Variants in BRD10 observed in about 807,000 individuals in gnomAD.
BRD10 encodes the protein uncharacterized bromodomain-containing protein 10.
At chr9:5,908,930 T>G in the BRD10 span, 1 of 540,054 alleles carries the variant, frequency 1.9e-6, no homozygotes, top group Non-Finnish European at 3.3e-6. Context: ...CAATAAATGT[T>G]GCAATGCATG....
At chr9:5,914,683 A>G in the BRD10 span, among the ~76,000 whole-genome samples, 1 of 151,992 alleles carries the variant, frequency 6.6e-6, no homozygotes, top group African/African-American at 2.4e-5. Flanking sequence ...TCGGCCTCCC[A>G]AAGTGCTGGG....
At chr9:5,910,824 G>A in the BRD10 span, 1 of 152,202 alleles carries the variant, frequency 6.6e-6, no homozygotes, top group Non-Finnish European at 1.5e-5. Context: ...TGACTCCTTG[G>A]ATTGGAAACC....
At chr9:5,920,575 T>G in the BRD10 span, 1 of 1,613,962 alleles carries the variant, frequency 6.2e-7, no homozygotes, top group Non-Finnish European at 8.5e-7. Flanking sequence ...ACAATTCAGT[T>G]TGAGGTTTAT....
chr9:5,952,026 T>TTATTTATTC, the BRD10 span, among the ~76,000 whole-genome samples: 1 of 149,386 alleles, frequency 6.7e-6, no homozygotes. Flanking sequence ...TTTATTTATT[T>TTATTTATTC]ATTTATTTAT....
the BRD10 span, chr9:5,944,899 T>C: frequency 6.5e-7 from 1 of 1,544,118 alleles, no homozygotes; most frequent in Non-Finnish European, 8.8e-7. Flanking sequence ...TTCCAGATCT[T>C]TGAGTTCATT....
At chr9:5,988,840 T>A in the BRD10 span, among the ~76,000 whole-genome samples, 2 of 152,312 alleles carry the variant, frequency 1.3e-5, no homozygotes, top group East Asian at 3.9e-4. Flanking sequence ...TTGTTTGCAA[T>A]GTATTTCATA....
At chr9:5,994,860 T>G in the BRD10 span, among the ~76,000 whole-genome samples, 1 of 152,090 alleles carries the variant, frequency 6.6e-6, no homozygotes, top group Non-Finnish European at 1.5e-5. Flanking sequence ...CAACTCCCTC[T>G]TTCATTCTCC....
the BRD10 span, among the ~76,000 whole-genome samples, chr9:5,935,934 G>A: frequency 6.6e-6 from 1 of 152,218 alleles, no homozygotes; most frequent in Admixed American, 6.5e-5. Context: ...AAGTCTTTCA[G>A]ATTTTCTGAC....
the BRD10 span, among the ~76,000 whole-genome samples, chr9:5,913,337 A>G: frequency 6.6e-6 from 1 of 152,208 alleles, no homozygotes; most frequent in Admixed American, 6.5e-5. Context: ...GGGAGTCTCT[A>G]AACTTTCATT....
chr9:5,892,619 A>G, the BRD10 span: 2 of 1,300,826 alleles, frequency 1.5e-6, no homozygotes, highest in East Asian at 2.4e-5. Flanking sequence ...GCTGACTTCC[A>G]CCAGTACATG....
At chr9:5,941,544 C>T in the BRD10 span, among the ~76,000 whole-genome samples, 1 of 152,070 alleles carries the variant, frequency 6.6e-6, no homozygotes, top group Admixed American at 6.5e-5. Flanking sequence ...TTTGACTAAA[C>T]CCCTAAATGG....
At chr9:5,958,427 C>G in the BRD10 span, among the ~76,000 whole-genome samples, 2 of 152,072 alleles carry the variant, frequency 1.3e-5, no homozygotes, top group Non-Finnish European at 2.9e-5. Flanking sequence ...TCTCCTTCAC[C>G]TGGTTTTCCT....
chr9:5,908,870 AC>A, the BRD10 span: 1 of 610,594 alleles, frequency 1.6e-6, no homozygotes, highest in Non-Finnish European at 2.9e-6. Context: ...CGCTAGCAGT[AC>A]TAATCATGTG....
chr9:5,947,359 T>C, the BRD10 span, among the ~76,000 whole-genome samples: 3 of 152,248 alleles, frequency 2.0e-5, no homozygotes, highest in South Asian at 2.1e-4. Flanking sequence ...TAAATGACTA[T>C]GAATTATAAA....
At chr9:5,971,621 T>A in the BRD10 span, among the ~76,000 whole-genome samples, 1 of 152,344 alleles carries the variant, frequency 6.6e-6, no homozygotes, top group East Asian at 1.9e-4. Context: ...ATACTATAAC[T>A]GTCATTAGTG....
chr9:5,892,792 G>A, the BRD10 span, among the ~76,000 whole-genome samples: 1 of 152,172 alleles, frequency 6.6e-6, no homozygotes, highest in African/African-American at 2.4e-5. Context: ...CCATTTTTGG[G>A]TGCACTTTTG....
chr9:5,919,050 T>C, the BRD10 span: 2 of 152,640 alleles, frequency 1.3e-5, no homozygotes, highest in East Asian at 1.9e-4. Context: ...TACATGCAGA[T>C]TCTTCTGCAT....
the BRD10 span, among the ~76,000 whole-genome samples, chr9:5,981,768 A>T: frequency 6.6e-6 from 1 of 152,236 alleles, no homozygotes; most frequent in East Asian, 1.9e-4. Flanking sequence ...GAAAATGGAT[A>T]CACTGAAATA....
chr9:5,996,774 T>C, the BRD10 span, among the ~76,000 whole-genome samples: 1 of 152,246 alleles, frequency 6.6e-6, no homozygotes, highest in African/African-American at 2.4e-5. Context: ...CCTTGACAAG[T>C]GTGATAAGCA....
Sources: gnomAD v4.1 joint callset for allele counts (sites outside exome capture counted in the v4.1 genomes callset) on GRCh38, gnomAD v4.1.1 for gene constraint, MANE v1.5 for transcripts, NCBI Gene and HGNC (gene_info 2026-07-23, HGNC 2026-07-21) for gene names.